The following KDM4C variants were observed in gnomAD, a reference collection of about 807,000 sequenced individuals.
The protein encoded by KDM4C is lysine demethylase 4C.
Under a neutral mutation model 129.3 loss-of-function variants are expected in KDM4C, and 81 were observed. The ratio of observed to expected loss-of-function variants is 0.63; its 90% CI spans 0.52 to 0.75. The LOEUF is 0.75. KDM4C is among the 30% of genes least tolerant of loss of function. KDM4C has a pLI of 0.00. For synonymous variants in KDM4C, 573 were observed against 456.1 expected, an observed-to-expected ratio of 1.26 and a Z score of -3.26; for missense variants, 1,457 against 1,304.0, an observed-to-expected ratio of 1.12 and a Z score of -1.81.
intron 19 of KDM4C, among the ~76,000 whole-genome samples, chr9:7,140,869 A>G (rs1841675389): frequency 1.3e-5 from 2 of 152,252 alleles, no homozygotes; most frequent in Non-Finnish European, 2.9e-5. Context: ...TGATCCAGTA[A>G]GAGCATGTAA....
chr9:6,736,704 C>G (rs899781186), intron 1 of KDM4C, among the ~76,000 whole-genome samples: 3 of 152,074 alleles, frequency 2.0e-5, no homozygotes, highest in Non-Finnish European at 4.4e-5. Flanking sequence ...CCCAAAGCTC[C>G]TAGATCTGAA....
chr9:7,156,111 G>C (rs1278705173), intron 19 of KDM4C, among the ~76,000 whole-genome samples: 4 of 152,222 alleles, frequency 2.6e-5, no homozygotes, highest in Non-Finnish European at 2.9e-5. Flanking sequence ...GACCAGTCAT[G>C]ATGAGCATTT....
At chr9:6,735,210 C>G in intron 1 of KDM4C, 1 of 206,338 alleles carries the variant, frequency 4.8e-6, no homozygotes, top group East Asian at 1.3e-4. Flanking sequence ...AGAAACAGAG[C>G]TCCCATCACC....
intron 7 of KDM4C, among the ~76,000 whole-genome samples, chr9:6,889,258 T>TGTGTGTGTGTGTGTGG (rs1845767477): frequency 3.5e-5 from 1 of 28,640 alleles, no homozygotes; most frequent in Admixed American, 4.9e-4. Context: ...TGTGGGAGGG[T>TGTGTGTGTGTGTGTGG]GGGGGGGATT....
chr9:6,959,317 C>G (rs1270868167), intron 8 of KDM4C, among the ~76,000 whole-genome samples: 2 of 152,316 alleles, frequency 1.3e-5, no homozygotes, highest in East Asian at 3.9e-4. Context: ...AGAGTCCCCT[C>G]ACTCTTGAAA....
chr9:6,737,891 C>T (rs1771716942), intron 1 of KDM4C, among the ~76,000 whole-genome samples: 1 of 152,108 alleles, frequency 6.6e-6, no homozygotes, highest in South Asian at 2.1e-4. Flanking sequence ...AATCCCAGCA[C>T]TTTGGGAGGC....
At chr9:6,834,359 A>G (rs927720061) in intron 4 of KDM4C, 6 of 311,888 alleles carry the variant, frequency 1.9e-5, no homozygotes, top group African/African-American at 1.3e-4. Flanking sequence ...TCATGATTTT[A>G]AAAATCATCT....
chr9:6,913,127 T>A (rs1183200511), intron 8 of KDM4C, among the ~76,000 whole-genome samples: 1 of 152,248 alleles, frequency 6.6e-6, no homozygotes, highest in Non-Finnish European at 1.5e-5. Context: ...TTTAGTTCTG[T>A]GTTTGCAGCT....
At chr9:7,046,978 T>A (rs1829498720) in intron 16 of KDM4C, 61 bp downstream of exon 16, 1 of 1,192,232 alleles carries the variant, frequency 8.4e-7, no homozygotes, top group South Asian at 1.2e-5. Context: ...CTAGAACCTT[T>A]GGATGACAGT....
At chr9:6,950,598 A>G (rs1827958817) in intron 8 of KDM4C, among the ~76,000 whole-genome samples, 1 of 152,208 alleles carries the variant, frequency 6.6e-6, no homozygotes, top group Admixed American at 6.5e-5. Flanking sequence ...TGCTGGTTTA[A>G]GTGAGATTAT....
In KDM4C at chr9:7,037,690, A is replaced by G. The variant is rs367715179; in HGVS notation, c.2260-9172A>G. On this transcript the variant is annotated intron_variant, in intron 15 of 21. Transcript: ENST00000381309. The stretch of plus-strand genomic sequence containing the variant: ...GGAAAAGTACAAAACTGTTCAGAAT[A>G]TGATCAGATTTTATATTTTTTCATT... 9.9e-5 allele frequency among the ~76,000 whole-genome samples: 15 copies of G among 152,262 alleles called. No homozygotes were observed. In the East Asian group the frequency reaches 1.7e-3, roughly 18 times the overall value.
chr9:7,135,803 C>G (rs902326950), intron 19 of KDM4C, among the ~76,000 whole-genome samples: 7 of 152,206 alleles, frequency 4.6e-5, no homozygotes, highest in Non-Finnish European at 7.3e-5. Context: ...GGTGTCTACA[C>G]TTTGAGGTGC....
chr9:6,847,568 T>A (rs746103107), intron 4 of KDM4C, among the ~76,000 whole-genome samples: 4 of 152,154 alleles, frequency 2.6e-5, no homozygotes, highest in Non-Finnish European at 1.5e-5. Context: ...TTTTTTGTAT[T>A]TTTAGTAGAG....
chr9:6,994,303 T>G (rs552069508), intron 12 of KDM4C, among the ~76,000 whole-genome samples: 1 of 152,140 alleles, frequency 6.6e-6, no homozygotes, highest in East Asian at 1.9e-4. Context: ...TTAGACAACT[T>G]CTCCTTACCC....
chr9:7,033,603 A>C (rs1264827342), intron 15 of KDM4C, among the ~76,000 whole-genome samples: 3 of 152,242 alleles, frequency 2.0e-5, no homozygotes, highest in African/African-American at 7.2e-5. Flanking sequence ...GTGGCTAAAA[A>C]GTCACAAATC....
intron 4 of KDM4C, among the ~76,000 whole-genome samples, chr9:6,818,285 C>T (rs557552403): frequency 5.3e-5 from 8 of 152,310 alleles, no homozygotes; most frequent in African/African-American, 1.9e-4. Flanking sequence ...AATTTCAAAT[C>T]GTACCTTGTA....
At chr9:6,894,357 G>C (rs1321619853) in intron 8 of KDM4C, among the ~76,000 whole-genome samples, 1 of 152,240 alleles carries the variant, frequency 6.6e-6, no homozygotes, top group Non-Finnish European at 1.5e-5. Flanking sequence ...GAAAGGAACA[G>C]AACTGTACTA....
At chr9:7,047,231 A>G (rs1460564101) in intron 16 of KDM4C, among the ~76,000 whole-genome samples, 2 of 152,106 alleles carry the variant, frequency 1.3e-5, no homozygotes, top group South Asian at 2.1e-4. Context: ...CTGGTGTTTA[A>G]TATGATGAAT....
intron 20 of KDM4C, among the ~76,000 whole-genome samples, chr9:7,167,979 C>T (rs376380904): frequency 1.6e-4 from 25 of 152,236 alleles, no homozygotes; most frequent in African/African-American, 4.1e-4. Context: ...GTCAGGAGTT[C>T]GAGACCAGCC....
Sources: allele counts gnomAD v4.1 joint callset (sites outside exome capture counted in the v4.1 genomes callset), GRCh38; gene constraint gnomAD v4.1.1; transcripts MANE v1.5; gene names NCBI Gene and HGNC (gene_info 2026-07-23, HGNC 2026-07-21).